Variants in SUSD5 observed in about 807,000 individuals in gnomAD.
The protein encoded by SUSD5 is sushi domain-containing protein 5.
SUSD5 carries 33 observed loss-of-function variants against 29.5 expected under a neutral mutation model. That is an observed-to-expected ratio of 1.12 (90% CI 0.85 to 1.49). The LOEUF is 1.49. SUSD5 is among the 40% of genes most tolerant of loss of function. The pLI, the probability that SUSD5 is intolerant of heterozygous loss-of-function variation, is 0.00. For synonymous variants in SUSD5, 308 were observed against 325.3 expected, an observed-to-expected ratio of 0.95 and a Z score of 0.57; for missense variants, 776 against 800.6, an observed-to-expected ratio of 0.97 and a Z score of 0.37.
chr3:33,210,707 A>G (rs1303126317), intron 2 of SUSD5, among the ~76,000 whole-genome samples: 2 of 152,228 alleles, frequency 1.3e-5, no homozygotes, highest in Non-Finnish European at 2.9e-5. Flanking sequence ...TGAAATGTAC[A>G]TACTAATGGT....
Position 33,150,720 on chromosome 3 carries a change from G to A in SUSD5, c.*2022C>T, listed in dbSNP as rs543492202. ...TGCTGCCTCTCTTTACAGCTACTTC[G>A]CCTATTACTTTTCCAAAGCTTGCTG... On this transcript the variant is annotated 3_prime_UTR_variant, in exon 5 of 5. Transcript: ENST00000309558. The A allele has an allele frequency of 6.6e-6, 1 of 152,192 alleles. No individual in the cohort carries two copies. The highest frequency in any genetic ancestry group is 2.4e-5 in the African/African-American group (1 of 41,500). The allele number at this position is 152,192 out of a possible 1,614,324, so 9.4% of individuals were successfully genotyped here.
intron 3 of SUSD5, among the ~76,000 whole-genome samples, chr3:33,194,702 T>C (rs2031962320): frequency 6.6e-6 from 1 of 151,606 alleles, no homozygotes; most frequent in South Asian, 2.1e-4. Flanking sequence ...CAGAAGGCAG[T>C]AGATGGAAGA....
intron 2 of SUSD5, among the ~76,000 whole-genome samples, chr3:33,209,530 CT>C (rs917859818): frequency 6.6e-6 from 1 of 151,726 alleles, no homozygotes; most frequent in African/African-American, 2.4e-5. Flanking sequence ...CTCTTTGGCT[CT>C]TTTTTTTAAA....
At chr3:33,183,078 A>T (rs1250212352) in intron 3 of SUSD5, among the ~76,000 whole-genome samples, 1 of 152,138 alleles carries the variant, frequency 6.6e-6, no homozygotes, top group Non-Finnish European at 1.5e-5. Flanking sequence ...TACAGGCGTG[A>T]GCCACCACAC....
chr3:33,190,506 A>G (rs1232409507), intron 3 of SUSD5, among the ~76,000 whole-genome samples: 2 of 152,210 alleles, frequency 1.3e-5, no homozygotes, highest in Non-Finnish European at 2.9e-5. Flanking sequence ...GTAAATGACT[A>G]TATATTATTC....
intron 3 of SUSD5, among the ~76,000 whole-genome samples, chr3:33,180,093 ATACTT>A (rs2031637425): frequency 1.3e-5 from 2 of 152,238 alleles, no homozygotes; most frequent in Admixed American, 1.3e-4. Context: ...TTACCATACT[ATACTT>A]TAATCATTAT....
At chr3:33,199,762 G>A (rs1472419149) in intron 3 of SUSD5, among the ~76,000 whole-genome samples, 1 of 152,186 alleles carries the variant, frequency 6.6e-6, no homozygotes, top group Non-Finnish European at 1.5e-5. Flanking sequence ...ACTTTTGGGA[G>A]GCGATTAGGC....
chr3:33,152,899 G>A lies in SUSD5; in HGVS notation c.1733C>T (p.Thr578Ile). The A allele has an allele frequency of 1.2e-6, 2 of 1,613,990 alleles. No homozygotes were observed. The highest frequency in any genetic ancestry group is 1.7e-6 in the Non-Finnish European group (2 of 1,179,898). Residue 578 changes from threonine (T) to isoleucine (I), a missense_variant, in exon 5 of 5, where the codon ACC becomes ATC. Thr to Ile is a moderately conservative substitution (Grantham distance 89). Transcript: ENST00000309558. ...PGLSRGPVIA[T>I]IVTVLCLLLL... ...CAGTAGGCACAGGACGGTGACAATG[G>A]TGGCGATCACAGGGCCTCTGCTGAG...
chr3:33,186,471 G>A (rs2031781999), intron 3 of SUSD5, among the ~76,000 whole-genome samples: 1 of 149,888 alleles, frequency 6.7e-6, no homozygotes, highest in Admixed American at 6.7e-5. Flanking sequence ...TCACCAGGCT[G>A]GATGGAGTGC....
At position 33,210,229 on chromosome 3, in the gene SUSD5, G is replaced by A. The variant is rs559675179; in HGVS notation, c.291-2303C>T. 1.0e-3 allele frequency among the ~76,000 whole-genome samples: 159 copies of A among 152,240 alleles called. 2 individuals carry two copies. Among genetic ancestry groups the A allele is most frequent in the African/African-American group, 3.2e-3 (134 of 41,542 alleles). ...TGGAAATTCAGGGTCATCTCAATCC[G>A]AATTCATGGCTATAGAGTATTTGAA... On this transcript the variant is annotated intron_variant, in intron 2 of 4. Transcript: ENST00000309558.
At chr3:33,208,076 CA>C (rs5847778) in intron 2 of SUSD5, 150 bp from the exon 3 acceptor site, 9,036 of 581,920 alleles carry the variant, frequency 0.016, 438 homozygotes, top group African/African-American at 0.13. Flanking sequence ...ACATTCTCTG[CA>C]AAAAAAAGGT....
chr3:33,168,176 C>G (rs1485263154), intron 4 of SUSD5, among the ~76,000 whole-genome samples: 1 of 152,172 alleles, frequency 6.6e-6, no homozygotes, highest in Non-Finnish European at 1.5e-5. Context: ...ATCTGGGGTT[C>G]TCCCAGGGCT....
rs372906518 is a variant in SUSD5 at position 33,197,181 on chromosome 3, A to T, written c.409+10627T>A. ...TTAACTGGATCTTGGGGCTTGCTGC[A>T]TAGGACTGGGAGGGGTGGGGACAGG... On this transcript the variant is annotated intron_variant, in intron 3 of 4. Coordinates refer to ENST00000309558, the MANE Select transcript of SUSD5 (RefSeq NM_015551.2). Among the ~76,000 whole-genome samples, 5 of 152,242 alleles carry T rather than the reference A, an allele frequency of 3.3e-5. No individual in the cohort carries two copies. In the South Asian group the frequency reaches 8.3e-4, roughly 25 times the overall value.
rs1022143763 is a variant in SUSD5 at position 33,177,622 on chromosome 3, C to G, written c.410-2548G>C. Among the ~76,000 whole-genome samples the G allele has an allele frequency of 2.0e-5, 3 of 152,206 alleles. No individual in the cohort carries two copies. The East Asian group carries it at 5.8e-4, about 29-fold the overall frequency. On this transcript the variant is annotated intron_variant, in intron 3 of 4. Transcript: ENST00000309558. ...CTCTTGGGTTTAAGTGATCCTCCCA[C>G]CTCGGCCTTCCAAAGTCTTGGGATT...
intron 3 of SUSD5, among the ~76,000 whole-genome samples, chr3:33,198,896 G>A (rs73047481): frequency 0.058 from 8,788 of 152,082 alleles, 356 homozygotes; most frequent in Non-Finnish European, 0.08. Context: ...CACCCACCCC[G>A]GGACACTGAA....
At position 33,153,358 on chromosome 3, in the gene SUSD5, AG is replaced by A; in HGVS notation, c.1273del (p.Leu425SerfsTer7). 1.2e-6 allele frequency: 2 copies of A among 1,613,836 alleles called. No individual in the cohort carries two copies. The highest frequency in any genetic ancestry group is 3.3e-5 in the Admixed American group (2 of 60,000). ...VEVKKPKSST[L>X]TPSEGMTHSS... ...ATGGGTCATGCCCTCGCTTGGTGTG[AG>A]GGTGCTACTCTTGGGCTTCTTAACT... On this transcript the variant is annotated frameshift_variant, in exon 5 of 5. Transcript: ENST00000309558. LOFTEE classifies it low-confidence loss of function (END_TRUNC).
intron 4 of SUSD5, among the ~76,000 whole-genome samples, chr3:33,170,815 C>A (rs2031410171): frequency 6.6e-6 from 1 of 152,202 alleles, no homozygotes. Flanking sequence ...TTCATGGTAA[C>A]AGGGGCTAGA....
intron 1 of SUSD5, among the ~76,000 whole-genome samples, chr3:33,215,538 T>C (rs1559459358): frequency 6.6e-6 from 1 of 152,220 alleles, no homozygotes; most frequent in East Asian, 1.9e-4. Context: ...ACTCATTAAA[T>C]TAATTCTTAT....
At chr3:33,170,492 G>A (rs559993105) in intron 4 of SUSD5, among the ~76,000 whole-genome samples, 20 of 152,252 alleles carry the variant, frequency 1.3e-4, no homozygotes, top group Admixed American at 4.6e-4. Context: ...AGAAGTCCCC[G>A]TGCTTAAGTG....
Sources: allele counts gnomAD v4.1 joint callset (sites outside exome capture counted in the v4.1 genomes callset), GRCh38; gene constraint gnomAD v4.1.1; transcripts MANE v1.5; gene names NCBI Gene and HGNC (gene_info 2026-07-23, HGNC 2026-07-21).